RBFOX1: variants seen among roughly 807,000 people sequenced by gnomAD.
RBFOX1 encodes the protein RNA binding fox-1 homolog 1, also known as RNA binding protein fox-1 homolog 1.
In RBFOX1, 8 loss-of-function variants were observed where a neutral mutation model predicts 57.7. The observed-to-expected ratio is 0.14, with a 90% confidence interval of 0.08 to 0.25. The LOEUF is 0.25. RBFOX1 is among the 10% of genes least tolerant of loss of function. The pLI, the probability that RBFOX1 is intolerant of heterozygous loss-of-function variation, is 1.00. For missense variants in RBFOX1, 611 were observed against 548.5 expected (o/e 1.11, Z -1.14); for synonymous variants, 326 against 222.4 (o/e 1.47, Z -4.15).
intron 3 of RBFOX1, among the ~76,000 whole-genome samples, chr16:6,902,405 G>T (rs2068713853): frequency 1.3e-5 from 2 of 152,160 alleles, no homozygotes; most frequent in Admixed American, 1.3e-4. Flanking sequence ...AAGTCTTCCA[G>T]GCCATACTCA....
At chr16:6,895,448 G>GTGTATATATATA (rs869028735) in intron 3 of RBFOX1, among the ~76,000 whole-genome samples, 56 of 54,570 alleles carry the variant, frequency 1.0e-3, no homozygotes, top group Non-Finnish European at 1.4e-3. Context: ...GTGTGTGTGT[G>GTGTATATATATA]TATATATATA....
At chr16:5,453,874 A>G (rs1430906034) in intron 1 of RBFOX1, among the ~76,000 whole-genome samples, 1 of 152,212 alleles carries the variant, frequency 6.6e-6, no homozygotes, top group Non-Finnish European at 1.5e-5. Context: ...GGGTTTTGTT[A>G]TTTCTTTGCC....
intron 2 of RBFOX1, among the ~76,000 whole-genome samples, chr16:6,563,501 C>G (rs757210691): frequency 1.3e-5 from 2 of 152,126 alleles, no homozygotes; most frequent in Non-Finnish European, 2.9e-5. Flanking sequence ...CTTACATCTA[C>G]TCTACCTTGT....
At position 6,595,505 on chromosome 16, in the gene RBFOX1, A is replaced by G. The variant is rs74905817; in HGVS notation, c.-63-59098A>G. 5.4e-4 allele frequency among the ~76,000 whole-genome samples: 83 copies of G among 152,324 alleles called. No homozygotes were observed. In the East Asian group the frequency reaches 0.014, roughly 25 times the overall value. On this transcript the variant is annotated intron_variant, in intron 2 of 15. Transcript: ENST00000550418. ...TTCCACTTTTCAGCTATTAGAAACA[A>G]TGCTTCTATGAACATTGATGTACAA...
At chr16:7,100,284 A>G (rs1461503912) in intron 4 of RBFOX1, among the ~76,000 whole-genome samples, 2 of 152,184 alleles carry the variant, frequency 1.3e-5, no homozygotes, top group Non-Finnish European at 2.9e-5. Flanking sequence ...TTCTCTTTTT[A>G]AAAAGAACCC....
At chr16:5,802,191 T>G (rs997829669) in intron 3 of RBFOX1, among the ~76,000 whole-genome samples, 2 of 152,160 alleles carry the variant, frequency 1.3e-5, no homozygotes, top group African/African-American at 4.8e-5. Context: ...GCCCAAACTT[T>G]GCGCTTTAAG....
At chr16:5,543,487 A>G (rs2045053107) in intron 2 of RBFOX1, among the ~76,000 whole-genome samples, 1 of 152,214 alleles carries the variant, frequency 6.6e-6, no homozygotes, top group African/African-American at 2.4e-5. Context: ...GTCCAAAATT[A>G]AACACATAGA....
chr16:7,367,723 A>G (rs1000503040), intron 4 of RBFOX1, among the ~76,000 whole-genome samples: 2 of 152,184 alleles, frequency 1.3e-5, no homozygotes, highest in Admixed American at 1.3e-4. Context: ...GCTTCTCCTT[A>G]GCTGCAGTCA....
intron 4 of RBFOX1, among the ~76,000 whole-genome samples, chr16:5,956,488 C>T (rs1461016725): frequency 3.3e-5 from 5 of 151,310 alleles, no homozygotes; most frequent in Middle Eastern, 3.4e-3. Context: ...TACATGAATG[C>T]CCTGGAGCTC....
chr16:7,590,799 C>T (rs1274047626), intron 7 of RBFOX1, among the ~76,000 whole-genome samples: 3 of 139,512 alleles, frequency 2.2e-5, no homozygotes, highest in African/African-American at 8.1e-5. Flanking sequence ...GTGGAGATTG[C>T]AGTGAGCCGA....
chr16:7,640,511 G>C (rs1380795175), intron 11 of RBFOX1, among the ~76,000 whole-genome samples: 1 of 152,216 alleles, frequency 6.6e-6, no homozygotes, highest in Non-Finnish European at 1.5e-5. Flanking sequence ...CAGATAAGGA[G>C]TCACTAGAGG....
intron 5 of RBFOX1, among the ~76,000 whole-genome samples, chr16:7,572,867 T>TAAATAAATAAATAAAAA (rs2092936216): frequency 1.3e-5 from 1 of 75,904 alleles, no homozygotes; most frequent in Non-Finnish European, 3.2e-5. Flanking sequence ...ATAAATAAAA[T>TAAATAAATAAATAAAAA]GAACCAGCCC....
intron 3 of RBFOX1, among the ~76,000 whole-genome samples, chr16:7,049,016 T>G (rs1036757977): frequency 1.3e-5 from 2 of 152,268 alleles, no homozygotes; most frequent in South Asian, 4.2e-4. Context: ...TTAGTTCAAT[T>G]CTCAAAGCTT....
At chr16:7,458,007 G>A (rs1425752767) in intron 4 of RBFOX1, among the ~76,000 whole-genome samples, 1 of 152,202 alleles carries the variant, frequency 6.6e-6, no homozygotes, top group South Asian at 2.1e-4. Flanking sequence ...CCTGGTGCCT[G>A]CTTGGTTGGT....
chr16:6,674,534 A>T (rs943243538), intron 3 of RBFOX1, among the ~76,000 whole-genome samples: 1 of 151,950 alleles, frequency 6.6e-6, no homozygotes, highest in Non-Finnish European at 1.5e-5. Context: ...GTTGATCAGG[A>T]TGGTGTCGAA....
At chr16:6,796,062 A>C (rs527453849) in intron 3 of RBFOX1, among the ~76,000 whole-genome samples, 1 of 152,156 alleles carries the variant, frequency 6.6e-6, no homozygotes, top group African/African-American at 2.4e-5. Context: ...GGCAATTTAC[A>C]AAAGAAAGAG....
chr16:7,347,660 A>G (rs1347974494), intron 4 of RBFOX1, among the ~76,000 whole-genome samples: 1 of 152,180 alleles, frequency 6.6e-6, no homozygotes, highest in Admixed American at 6.5e-5. Flanking sequence ...TGACTCAGCT[A>G]CAGAGACTAT....
chr16:6,280,032 T>C (rs1001320327), intron 1 of RBFOX1, among the ~76,000 whole-genome samples: 1 of 151,806 alleles, frequency 6.6e-6, no homozygotes, highest in South Asian at 2.1e-4. Flanking sequence ...GTTAGAAATA[T>C]GAGCAGAAAA....
intron 2 of RBFOX1, among the ~76,000 whole-genome samples, chr16:6,516,631 G>T (rs192600145): frequency 6.6e-6 from 1 of 152,188 alleles, no homozygotes; most frequent in African/African-American, 2.4e-5. Flanking sequence ...CTTTTTTATT[G>T]AATAAGGCAT....
Sources: allele counts gnomAD v4.1 joint callset (sites outside exome capture counted in the v4.1 genomes callset), GRCh38; gene constraint gnomAD v4.1.1; transcripts MANE v1.5; gene names NCBI Gene and HGNC (gene_info 2026-07-23, HGNC 2026-07-21).